Variants in SLC24A2 observed in about 807,000 individuals in gnomAD.
SLC24A2 encodes sodium/potassium/calcium exchanger 2.
Under a neutral mutation model 62.0 loss-of-function variants are expected in SLC24A2, and 36 were observed. That is an observed-to-expected ratio of 0.58 (90% confidence interval 0.44 to 0.77). SLC24A2 has a LOEUF of 0.77. SLC24A2 is among the 30% of genes least tolerant of loss of function. The pLI, the probability that SLC24A2 is intolerant of heterozygous loss-of-function variation, is 0.00. For missense variants in SLC24A2, 846 were observed against 817.9 expected, an observed-to-expected ratio of 1.03 and a Z score of -0.42; for synonymous variants, 358 against 294.0, an observed-to-expected ratio of 1.22 and a Z score of -2.23.
chr9:19,703,061 A>G (rs1255836954), intron 2 of SLC24A2, among the ~76,000 whole-genome samples: 1 of 152,140 alleles, frequency 6.6e-6, no homozygotes, highest in Non-Finnish European at 1.5e-5. Context: ...CTTGAGATAC[A>G]TTCTTTTGTG....
At chr9:19,756,460 A>G (rs1432821881) in intron 2 of SLC24A2, among the ~76,000 whole-genome samples, 1 of 152,226 alleles carries the variant, frequency 6.6e-6, no homozygotes, top group Non-Finnish European at 1.5e-5. Flanking sequence ...CTTTTTATAT[A>G]ATGCTGTTAT....
the SLC24A2 span, among the ~76,000 whole-genome samples, chr9:20,219,315 C>T: frequency 1.4e-4 from 21 of 152,232 alleles, no homozygotes; most frequent in Non-Finnish European, 2.6e-4. Context: ...GGGAAGTGCA[C>T]TGGAAGTCTG....
At chr9:19,802,431 G>A in the SLC24A2 span, among the ~76,000 whole-genome samples, 3 of 152,174 alleles carry the variant, frequency 2.0e-5, no homozygotes, top group South Asian at 2.1e-4. Context: ...AAGGAACAAC[G>A]AAGTCTGGAT....
chr9:19,967,545 T>G, the SLC24A2 span: 1 of 152,376 alleles, frequency 6.6e-6, no homozygotes, highest in South Asian at 2.1e-4. Flanking sequence ...TAGGGGTAGC[T>G]CTGATGCAAT....
chr9:19,570,389 G>A (rs184077075), intron 7 of SLC24A2, among the ~76,000 whole-genome samples: 3 of 152,232 alleles, frequency 2.0e-5, no homozygotes, highest in Admixed American at 2.0e-4. Flanking sequence ...CCTCTTCTAT[G>A]GAGTTTTTAC....
the SLC24A2 span, among the ~76,000 whole-genome samples, chr9:19,819,010 G>C: frequency 4.2e-5 from 6 of 144,496 alleles, no homozygotes; most frequent in African/African-American, 5.0e-5. Flanking sequence ...ACATAGACCA[G>C]TGGAATAGAA....
At chr9:20,164,748 T>C in the SLC24A2 span, among the ~76,000 whole-genome samples, 4 of 151,720 alleles carry the variant, frequency 2.6e-5, no homozygotes, top group Admixed American at 1.3e-4. Context: ...TGTCCAACAA[T>C]GATAGACTGG....
At chr9:19,617,678 A>G (rs1188897625) in intron 4 of SLC24A2, among the ~76,000 whole-genome samples, 3 of 152,214 alleles carry the variant, frequency 2.0e-5, no homozygotes, top group African/African-American at 7.2e-5. Context: ...GTTTTAAGTG[A>G]GATTCAAAGA....
the SLC24A2 span, among the ~76,000 whole-genome samples, chr9:19,835,457 CG>C: frequency 1.3e-5 from 2 of 152,038 alleles, no homozygotes; most frequent in Non-Finnish European, 2.9e-5. Flanking sequence ...TTTAAACCAA[CG>C]AAGATCAAAA....
At chr9:19,965,991 T>C in the SLC24A2 span, among the ~76,000 whole-genome samples, 2 of 152,214 alleles carry the variant, frequency 1.3e-5, no homozygotes, top group African/African-American at 4.8e-5. Context: ...ATTGATATTA[T>C]ATTCCCTGTT....
intron 2 of SLC24A2, among the ~76,000 whole-genome samples, chr9:19,718,007 C>T (rs1229490910): frequency 1.4e-5 from 2 of 145,632 alleles, no homozygotes; most frequent in East Asian, 2.0e-4. Context: ...AACGGAGTCT[C>T]GCTCTGTCGC....
the SLC24A2 span, among the ~76,000 whole-genome samples, chr9:20,205,559 G>C: frequency 6.7e-6 from 1 of 149,174 alleles, no homozygotes; most frequent in Non-Finnish European, 1.5e-5. Flanking sequence ...GCTGAGGCAG[G>C]AGATTGGTGT....
At chr9:20,233,929 C>CA in the SLC24A2 span, among the ~76,000 whole-genome samples, 3 of 152,172 alleles carry the variant, frequency 2.0e-5, no homozygotes, top group African/African-American at 7.2e-5. Context: ...CTGGTGGTGA[C>CA]AAAATCTCTC....
At chr9:20,248,092 C>T in the SLC24A2 span, among the ~76,000 whole-genome samples, 5 of 152,174 alleles carry the variant, frequency 3.3e-5, no homozygotes, top group Non-Finnish European at 2.9e-5. Flanking sequence ...ACTAAATAAC[C>T]GTGTGTTCTT....
intron 2 of SLC24A2, among the ~76,000 whole-genome samples, chr9:19,660,161 T>C (rs930569008): frequency 6.6e-6 from 1 of 152,190 alleles, no homozygotes; most frequent in Non-Finnish European, 1.5e-5. Context: ...TGTCTCTACA[T>C]ATCCCAGTTC....
chr9:20,296,692 C>T, the SLC24A2 span, among the ~76,000 whole-genome samples: 9 of 152,314 alleles, frequency 5.9e-5, no homozygotes, highest in East Asian at 7.7e-4. Context: ...TGTTTGCTCT[C>T]GTCAAAAGAT....
the SLC24A2 span, among the ~76,000 whole-genome samples, chr9:19,996,439 C>T: frequency 6.6e-6 from 1 of 152,088 alleles, no homozygotes; most frequent in South Asian, 2.1e-4. Flanking sequence ...TCACTCTTGG[C>T]GTTAAAGAAG....
chr9:19,920,637 C>T, the SLC24A2 span, among the ~76,000 whole-genome samples: 1 of 152,168 alleles, frequency 6.6e-6, no homozygotes, highest in African/African-American at 2.4e-5. Flanking sequence ...ATTTATCTGC[C>T]GTCTCCCTGG....
the SLC24A2 span, among the ~76,000 whole-genome samples, chr9:19,960,992 T>G: frequency 2.7e-3 from 412 of 151,532 alleles, 2 homozygotes; most frequent in African/African-American, 9.4e-3. Context: ...AATATATATT[T>G]TGATGGGACA....
Sources: gnomAD v4.1 joint callset for allele counts (sites outside exome capture counted in the v4.1 genomes callset) on GRCh38, gnomAD v4.1.1 for gene constraint, MANE v1.5 for transcripts, NCBI Gene and HGNC (gene_info 2026-07-23, HGNC 2026-07-21) for gene names.